The following TBL1XR1 variants were observed in gnomAD, a reference collection of about 807,000 sequenced individuals.
TBL1XR1 encodes the protein F-box-like/WD repeat-containing protein TBL1XR1.
A neutral mutation model predicts 66.9 loss-of-function variants in TBL1XR1; 5 were observed. The ratio of observed to expected loss-of-function variants is 0.07; its 90% confidence interval spans 0.04 to 0.16. The LOEUF (loss-of-function observed/expected upper bound fraction) is 0.16. Ranked by LOEUF, TBL1XR1 falls within the 10% of genes least tolerant of loss-of-function variation. The pLI, the probability that TBL1XR1 is intolerant of heterozygous loss-of-function variation, is 1.00. For missense variants in TBL1XR1, 238 were observed against 623.2 expected (o/e 0.38, Z 6.58); for synonymous variants, 210 against 206.0 (o/e 1.02, Z -0.17).
intron 14 of TBL1XR1, among the ~76,000 whole-genome samples, chr3:177,030,123 T>C (rs1442406202): frequency 7.0e-6 from 1 of 142,752 alleles, no homozygotes; most frequent in Admixed American, 7.1e-5. Flanking sequence ...TGTGTGTGTA[T>C]ATATATATAG....
At chr3:177,172,418 C>A (rs1733640310) in intron 1 of TBL1XR1, among the ~76,000 whole-genome samples, 1 of 151,822 alleles carries the variant, frequency 6.6e-6, no homozygotes, top group African/African-American at 2.4e-5. Context: ...CCAATTAATG[C>A]ATGTAAAAAG....
chr3:177,104,600 A>T (rs1021383574), intron 1 of TBL1XR1, among the ~76,000 whole-genome samples: 6 of 152,216 alleles, frequency 3.9e-5, no homozygotes, highest in African/African-American at 1.4e-4. Context: ...ACAGCTTTGC[A>T]ATTACTGCCT....
chr3:177,136,953 T>TAC (rs944954847), intron 1 of TBL1XR1, among the ~76,000 whole-genome samples: 2 of 152,184 alleles, frequency 1.3e-5, no homozygotes, highest in African/African-American at 4.8e-5. Flanking sequence ...CTCCAATATA[T>TAC]ACGGTCTCTC....
At chr3:177,100,190 G>A (rs543789788) in intron 1 of TBL1XR1, among the ~76,000 whole-genome samples, 5 of 152,324 alleles carry the variant, frequency 3.3e-5, no homozygotes, top group South Asian at 4.1e-4. Flanking sequence ...AGTGAGCTGA[G>A]ATGGCCATGC....
chr3:177,074,849 T>C (rs899614608), intron 2 of TBL1XR1, among the ~76,000 whole-genome samples: 1 of 152,204 alleles, frequency 6.6e-6, no homozygotes. Context: ...TTTCTCAAAC[T>C]TGAGTAATAT....
intron 1 of TBL1XR1, among the ~76,000 whole-genome samples, chr3:177,131,176 C>T (rs770074599): frequency 2.6e-5 from 4 of 151,840 alleles, no homozygotes; most frequent in South Asian, 4.2e-4. Flanking sequence ...TTCAGCAAAT[C>T]GGGAATCCAT....
intron 1 of TBL1XR1, among the ~76,000 whole-genome samples, chr3:177,114,297 CATATATATGATATATGAT>C (rs1276127306): frequency 6.6e-6 from 1 of 150,500 alleles, no homozygotes; most frequent in Non-Finnish European, 1.5e-5. Context: ...TATATGGATA[CATATATATGATATATGAT>C]ATATATATGA....
At chr3:177,157,971 ATCC>A (rs1731709322) in intron 1 of TBL1XR1, among the ~76,000 whole-genome samples, 1 of 152,064 alleles carries the variant, frequency 6.6e-6, no homozygotes, top group African/African-American at 2.4e-5. Flanking sequence ...CATAAATACT[ATCC>A]TCGTTAAGTG....
At chr3:177,123,781 C>T (rs974140268) in intron 1 of TBL1XR1, among the ~76,000 whole-genome samples, 1 of 130,428 alleles carries the variant, frequency 7.7e-6, no homozygotes, top group African/African-American at 2.9e-5. Context: ...TACATTTTCT[C>T]CTGAGTACAT....
At chr3:177,069,264 A>G (rs1320844628) in intron 2 of TBL1XR1, among the ~76,000 whole-genome samples, 1 of 152,182 alleles carries the variant, frequency 6.6e-6, no homozygotes, top group Non-Finnish European at 1.5e-5. Flanking sequence ...TTATAGGCCT[A>G]AAAAATGTAT....
intron 14 of TBL1XR1, among the ~76,000 whole-genome samples, chr3:177,030,005 G>C (rs368846500): frequency 6.6e-6 from 1 of 152,132 alleles, no homozygotes; most frequent in East Asian, 1.9e-4. Flanking sequence ...ATGTAAATGG[G>C]TGTATGCACG....
chr3:177,061,456 A>T lies in TBL1XR1; in HGVS notation c.58+3464T>A, dbSNP rs565599727. On this transcript the variant is annotated intron_variant, in intron 3 of 15. Transcript: ENST00000457928. Reference sequence around the variant, plus strand: ...CATAAAAAAAGTATTACTAAACCACATATTTATCAAAACATAAAAACTTTC... The same window carrying T: ...CATAAAAAAAGTATTACTAAACCACTTATTTATCAAAACATAAAAACTTTC... Among the ~76,000 whole-genome samples the T allele has an allele frequency of 7.3e-4, 111 of 152,348 alleles. 2 individuals carry two copies. The highest frequency in any genetic ancestry group is 1.3e-3 in the Non-Finnish European group (90 of 68,032).
At chr3:177,108,080 T>C in intron 1 of TBL1XR1, among the ~76,000 whole-genome samples, 1 of 151,816 alleles carries the variant, frequency 6.6e-6, no homozygotes, top group East Asian at 1.9e-4. Context: ...TTGTTGACTC[T>C]GAAGCAATTC....
chr3:177,047,549 T>C lies in TBL1XR1; in HGVS notation c.703A>G (p.Ser235Gly), dbSNP rs1168368224. The C allele has an allele frequency of 2.5e-6, 4 of 1,612,414 alleles. No individual in the cohort carries two copies. In the Admixed American group the frequency reaches 5.0e-5, roughly 20 times the overall value. ...CCAGTTGCTAGAAGTGTACCTTCAC[T>C]CTGCCAGAGAAAAACATTTCTTTAA... The part of the protein sequence containing the change: ...NKDVTSLDWN[S>G]EGTLLATGSY... The change falls in exon 8 of 16, where the codon AGT (serine) becomes GGT (glycine). Residue 235 changes from serine to glycine, a missense_variant and splice_region_variant. By Grantham distance (56) the Ser-to-Gly change is moderately conservative (BLOSUM62 0). This residue lies in a region of TBL1XR1 where 26 missense variants were observed against 103.7 expected (regional missense o/e 0.25). Coordinates refer to ENST00000457928, the MANE Select transcript of TBL1XR1 (RefSeq NM_024665.7).
At chr3:177,066,258 A>G (rs1719150676) in intron 2 of TBL1XR1, among the ~76,000 whole-genome samples, 2 of 152,196 alleles carry the variant, frequency 1.3e-5, no homozygotes, top group Admixed American at 1.3e-4. Flanking sequence ...AGTACCACCC[A>G]TCAAGCTTGT....
intron 1 of TBL1XR1, among the ~76,000 whole-genome samples, chr3:177,114,774 G>C (rs1681649): frequency 2.8e-4 from 43 of 151,400 alleles, no homozygotes; most frequent in Non-Finnish European, 5.0e-4. Context: ...CCAGGAGTTC[G>C]AGACAAGTCT....
intron 14 of TBL1XR1, among the ~76,000 whole-genome samples, chr3:177,030,113 T>C (rs1713743035): frequency 6.8e-6 from 1 of 146,394 alleles, no homozygotes. Flanking sequence ...TGTATGTGTG[T>C]GTGTGTGTAT....
chr3:177,107,644 C>T (rs1725040518), intron 1 of TBL1XR1, among the ~76,000 whole-genome samples: 1 of 152,118 alleles, frequency 6.6e-6, no homozygotes, highest in Non-Finnish European at 1.5e-5. Flanking sequence ...TGTTATCTGC[C>T]TGACCCATTC....
In TBL1XR1 at chr3:177,112,093, ATATATATATATATATTTTT is replaced by A. The variant is rs1345233616; in HGVS notation, c.-121-13571_-121-13553del. On this transcript the variant is annotated intron_variant, in intron 1 of 15. Transcript: ENST00000457928. ...AAATCAAATATATATATATATATAT[ATATATATATATATATTTTT>A]TTTTTTTTTTTTTGTGAGGGGCTCT... Among the ~76,000 whole-genome samples the A allele has an allele frequency of 7.7e-4, 38 of 49,672 alleles. 3 individuals are homozygous for A. The highest frequency in any genetic ancestry group is 3.9e-3 in the African/African-American group (37 of 9,550). 32.6% of individuals were successfully genotyped at this position (49,672 alleles called of 152,430 possible).
Sources: gnomAD v4.1 joint callset for allele counts (sites outside exome capture counted in the v4.1 genomes callset) on GRCh38, gnomAD v4.1.1 for gene constraint, gnomAD v4.1.1 regional missense constraint, MANE v1.5 for transcripts, NCBI Gene and HGNC (gene_info 2026-07-23, HGNC 2026-07-21) for gene names.